Variants in HS3ST2 observed in about 807,000 individuals in gnomAD.
HS3ST2 encodes heparan sulfate glucosamine 3-O-sulfotransferase 2.
HS3ST2 carries 17 observed loss-of-function variants against 26.3 expected under a neutral mutation model. The ratio of observed to expected loss-of-function variants is 0.65; its 90% confidence interval spans 0.44 to 0.97. The LOEUF is 0.97. Among genes scored for constraint, HS3ST2 ranks in the 50% least tolerant of loss-of-function variants. HS3ST2 has a pLI of 0.00. For missense variants in HS3ST2, 402 were observed against 501.2 expected, an observed-to-expected ratio of 0.80 and a Z score of 1.89; for synonymous variants, 237 against 219.2, an observed-to-expected ratio of 1.08 and a Z score of -0.72.
rs1438605760 is a variant in HS3ST2 at position 22,814,635 on chromosome 16, G to C, written c.25G>C (p.Ala9Pro). 1 of 1,552,380 alleles carries C rather than the reference G, an allele frequency of 6.4e-7. No individual in the cohort carries two copies. Among genetic ancestry groups the C allele is most frequent in the Admixed American group, 1.9e-5 (1 of 51,362 alleles). ...CATGGCCTATAGGGTCCTGGGCCGCGCGGGGCCACCTCAGCCGCGGAGGGC... is the reference window on the plus strand; with the variant it reads ...CATGGCCTATAGGGTCCTGGGCCGCCCGGGGCCACCTCAGCCGCGGAGGGC... MAYRVLGR[A>P]GPPQPRRARR... The change falls in exon 1 of 2, where the codon GCG becomes CCG. Residue 9 changes from alanine (A) to proline (P), a missense_variant. Physicochemically the swap from Ala to Pro is conservative, Grantham distance 27. This residue lies in a region of HS3ST2 where 165 missense variants were observed against 154.6 expected (regional missense o/e 1.07). Transcript: ENST00000261374.
chr16:22,903,888 G>A (rs1902314718), intron 1 of HS3ST2, among the ~76,000 whole-genome samples: 1 of 152,188 alleles, frequency 6.6e-6, no homozygotes, highest in Admixed American at 6.5e-5. Flanking sequence ...TGTCATTGAG[G>A]GGACTGCCAG....
At position 22,915,689 on chromosome 16, in the gene HS3ST2, C is replaced by A; in HGVS notation, c.*127C>A. ...CCCCCTTTCCCAACTTGAGTTGCAT[C>A]ATCTTGGAACCAGGAAGCCCAGCTA... On this transcript the variant is annotated 3_prime_UTR_variant, in exon 2 of 2. Coordinates refer to ENST00000261374, the MANE Select transcript of HS3ST2 (RefSeq NM_006043.2). The A allele has an allele frequency of 9.7e-7, 1 of 1,028,038 alleles. No homozygotes were observed. Among genetic ancestry groups the A allele is most frequent in the Non-Finnish European group, 1.4e-6 (1 of 701,186 alleles). The allele number at this position is 1,028,038 out of a possible 1,614,324, so 63.7% of individuals were successfully genotyped here. A position where few individuals can be genotyped will look rare whatever the true frequency, so the allele number is the denominator to read the frequency against.
chr16:22,818,462 AT>A (rs2141172924), intron 1 of HS3ST2, among the ~76,000 whole-genome samples: 1 of 152,266 alleles, frequency 6.6e-6, no homozygotes, highest in African/African-American at 2.4e-5. Flanking sequence ...TACTACTGTT[AT>A]TGCTACTAAT....
At chr16:22,855,907 A>G (rs1273966644) in intron 1 of HS3ST2, among the ~76,000 whole-genome samples, 2 of 152,052 alleles carry the variant, frequency 1.3e-5, no homozygotes, top group Non-Finnish European at 2.9e-5. Flanking sequence ...TCATCTTTGG[A>G]CCACTCATCA....
intron 1 of HS3ST2, among the ~76,000 whole-genome samples, chr16:22,875,355 A>G (rs1901900440): frequency 1.3e-5 from 2 of 151,548 alleles, no homozygotes; most frequent in African/African-American, 4.9e-5. Context: ...GAAGACAGAA[A>G]AATACTTTTA....
At chr16:22,841,144 C>T (rs1272213635) in intron 1 of HS3ST2, among the ~76,000 whole-genome samples, 1 of 152,118 alleles carries the variant, frequency 6.6e-6, no homozygotes, top group Non-Finnish European at 1.5e-5. Flanking sequence ...TCACTGCAAC[C>T]TCTGCTTCCT....
At chr16:22,905,860 A>G (rs1234140792) in intron 1 of HS3ST2, among the ~76,000 whole-genome samples, 1 of 152,200 alleles carries the variant, frequency 6.6e-6, no homozygotes, top group Non-Finnish European at 1.5e-5. Flanking sequence ...CGTAAGAATC[A>G]TGGGGGAGCT....
chr16:22,844,452 A>G (rs1253540585), intron 1 of HS3ST2, among the ~76,000 whole-genome samples: 1 of 152,160 alleles, frequency 6.6e-6, no homozygotes, highest in East Asian at 1.9e-4. Flanking sequence ...GCAGAGTCAC[A>G]GTTCCAGGTA....
At chr16:22,846,976 A>ATT (rs1901442522) in intron 1 of HS3ST2, among the ~76,000 whole-genome samples, 1 of 152,122 alleles carries the variant, frequency 6.6e-6, no homozygotes, top group Non-Finnish European at 1.5e-5. Flanking sequence ...ACAGGGATAG[A>ATT]TTGTTTTTAA....
intron 1 of HS3ST2, among the ~76,000 whole-genome samples, chr16:22,878,597 G>C (rs987532300): frequency 6.7e-6 from 1 of 150,078 alleles, no homozygotes; most frequent in Admixed American, 6.7e-5. Context: ...ATGAAGCGGG[G>C]GCCTAACAGG....
At chr16:22,830,970 G>A (rs1217237541) in intron 1 of HS3ST2, among the ~76,000 whole-genome samples, 1 of 152,216 alleles carries the variant, frequency 6.6e-6, no homozygotes, top group East Asian at 1.9e-4. Flanking sequence ...TAAAATGAAT[G>A]CAGTGAAAAC....
chr16:22,874,020 A>G (rs2141194159), intron 1 of HS3ST2, among the ~76,000 whole-genome samples: 1 of 152,254 alleles, frequency 6.6e-6, no homozygotes. Context: ...AAGCTTTTCA[A>G]GTGTCTGCAT....
intron 1 of HS3ST2, among the ~76,000 whole-genome samples, chr16:22,839,290 G>A (rs1901318444): frequency 6.6e-6 from 1 of 152,170 alleles, no homozygotes; most frequent in African/African-American, 2.4e-5. Flanking sequence ...ACATCAGACT[G>A]TTTACTTATA....
chr16:22,900,474 T>C (rs1041825223), intron 1 of HS3ST2, among the ~76,000 whole-genome samples: 1 of 152,030 alleles, frequency 6.6e-6, no homozygotes, highest in African/African-American at 2.4e-5. Flanking sequence ...TGAAGAGAGC[T>C]GTGGTGGGTC....
intron 1 of HS3ST2, among the ~76,000 whole-genome samples, chr16:22,820,829 T>C (rs1265342405): frequency 1.3e-5 from 2 of 152,366 alleles, no homozygotes; most frequent in South Asian, 2.1e-4. Flanking sequence ...AAGCCTGTTT[T>C]GGATGTTAAC....
At chr16:22,870,638 A>C (rs1901824066) in intron 1 of HS3ST2, among the ~76,000 whole-genome samples, 1 of 152,076 alleles carries the variant, frequency 6.6e-6, no homozygotes, top group Middle Eastern at 3.2e-3. Context: ...TGTCCCCCGG[A>C]AACACCAGGT....
intron 1 of HS3ST2, among the ~76,000 whole-genome samples, chr16:22,872,603 C>T (rs1901853250): frequency 6.6e-6 from 1 of 152,080 alleles, no homozygotes; most frequent in South Asian, 2.1e-4. Context: ...CTCTAGGGTT[C>T]CCCACCAGCC....
intron 1 of HS3ST2, among the ~76,000 whole-genome samples, chr16:22,860,530 A>G (rs543520358): frequency 2.0e-5 from 3 of 152,174 alleles, no homozygotes; most frequent in South Asian, 2.1e-4. Context: ...TTTTTGAGCA[A>G]TGATCACTTT....
Position 22,814,906 on chromosome 16 carries a change from C to G in HS3ST2, c.296C>G (p.Ser99Cys), listed in dbSNP as rs1281245843. The change falls in exon 1 of 2, where the codon TCC (serine) becomes TGC (cysteine). Residue 99 changes from serine (S) to cysteine (C), a missense_variant. Transcript: ENST00000261374. ...PAAAVPAPRL[S>C]GSNHSGSPKL... ...GCCGCCGTGCCCGCCCCTCGCCTCT[C>G]CGGTTCCAACCACTCCGGCTCACCC... 5.0e-6 allele frequency: 8 copies of G among 1,587,104 alleles called. No homozygotes were observed. Among genetic ancestry groups the G allele is most frequent in the Non-Finnish European group, 6.9e-6 (8 of 1,167,566 alleles).
Sources: allele counts gnomAD v4.1 joint callset (sites outside exome capture counted in the v4.1 genomes callset), GRCh38; gene constraint gnomAD v4.1.1; regional missense constraint gnomAD v4.1.1; transcripts MANE v1.5; gene names NCBI Gene and HGNC (gene_info 2026-07-23, HGNC 2026-07-21).